The following ADARB2 variants were observed in gnomAD, a reference collection of about 807,000 sequenced individuals.
ADARB2 encodes inactive double-stranded RNA-specific editase B2.
A neutral mutation model predicts 62.2 loss-of-function variants in ADARB2; 25 were observed. That is an observed-to-expected ratio of 0.40 (90% CI 0.29 to 0.56). The LOEUF (loss-of-function observed/expected upper bound fraction) is 0.56, where lower values mean the gene tolerates loss of function less well. Ranked by LOEUF, ADARB2 falls within the 20% of genes least tolerant of loss-of-function variation. The probability of loss-of-function intolerance (pLI) is 0.43; values close to 1 mark genes in which losing one functional copy is unlikely to be tolerated. For missense variants in ADARB2, 1,071 were observed against 1,077.4 expected (o/e 0.99, Z 0.08); for synonymous variants, 572 against 500.8 (o/e 1.14, Z -1.90).
At chr10:1,524,003 C>A (rs1832107641) in intron 1 of ADARB2, among the ~76,000 whole-genome samples, 1 of 151,964 alleles carries the variant, frequency 6.6e-6, no homozygotes, top group Admixed American at 6.6e-5. Context: ...TTTAATTAAG[C>A]ATTTCATTAA....
chr10:1,448,211 C>CAGTATCTATGA (rs1483283387), intron 1 of ADARB2, among the ~76,000 whole-genome samples: 1 of 152,160 alleles, frequency 6.6e-6, no homozygotes, highest in Non-Finnish European at 1.5e-5. Context: ...ACATATAAGA[C>CAGTATCTATGA]AGTATCTATG....
chr10:1,280,703 GTGATATTCCTGAGTGATGCTCTA>G (rs1589176306), intron 3 of ADARB2, among the ~76,000 whole-genome samples: 1 of 150,984 alleles, frequency 6.6e-6, no homozygotes, highest in Non-Finnish European at 1.5e-5. Flanking sequence ...GTGATGCTCT[GTGATATTCCTGAGTGATGCTCTA>G]TGATATTCCT....
intron 1 of ADARB2, among the ~76,000 whole-genome samples, chr10:1,560,778 A>G (rs926458198): frequency 8.5e-5 from 13 of 152,228 alleles, no homozygotes; most frequent in Non-Finnish European, 2.9e-5. Context: ...GTGGACGGTC[A>G]TCTGTCTACA....
rs374100289 is a variant in ADARB2 at position 1,542,248 on chromosome 10, G to A, written c.101-163088C>T. ...ACAGCCGTCCAGACCCCACTCAGAC[G>A]CAGTTCAGACCCTGGATCACAGCCG... is the stretch of plus-strand genomic sequence containing the variant. On this transcript the variant is annotated intron_variant, in intron 1 of 9. Transcript: ENST00000381312. 2.7e-4 allele frequency among the ~76,000 whole-genome samples: 2 copies of A among 7,346 alleles called. 1 individual carries two copies. The highest frequency in any genetic ancestry group is 8.5e-4 in the Non-Finnish European group (2 of 2,346). 4.8% of individuals were successfully genotyped at this position (7,346 alleles called of 152,430 possible).
At chr10:1,187,268 A>T (rs1036370606) in intron 8 of ADARB2, among the ~76,000 whole-genome samples, 1 of 152,224 alleles carries the variant, frequency 6.6e-6, no homozygotes. Context: ...GGAGCCAGCC[A>T]CCAAGGCCAG....
Position 1,363,827 on chromosome 10 carries a change from G to A in ADARB2, c.278C>T (p.Ala93Val), listed in dbSNP as rs368485422. ...PPSGDRARGG[A>V]PGAKRKRPLE... ...CGGCCGCTTCCTCTTCGCGCCGGGC[G>A]CGCCGCCCCGGGCCCGGTCCCCGGA... Residue 93 changes from alanine to valine, a missense_variant, in exon 3 of 10, where the codon GCG becomes GTG. Ala to Val is a moderately conservative substitution (Grantham distance 64). Transcript: ENST00000381312. The A allele has an allele frequency of 2.5e-6, 4 of 1,572,328 alleles. No individual in the cohort carries two copies. Among genetic ancestry groups the A allele is most frequent in the Non-Finnish European group, 3.4e-6 (4 of 1,167,012 alleles).
At chr10:1,346,088 T>C (rs1832077971) in intron 3 of ADARB2, among the ~76,000 whole-genome samples, 1 of 152,244 alleles carries the variant, frequency 6.6e-6, no homozygotes, top group Non-Finnish European at 1.5e-5. Flanking sequence ...AGTGTTTGTA[T>C]AGTAACTGTT....
chr10:1,400,514 A>G (rs12771141), intron 1 of ADARB2, among the ~76,000 whole-genome samples: 43,832 of 152,074 alleles, frequency 0.29, 7,072 homozygotes, highest in Non-Finnish European at 0.36. Context: ...CTGAAAATCA[A>G]TCTGCAGCCC....
At position 1,618,004 on chromosome 10, in the gene ADARB2, C is replaced by G. The variant is rs140331014; in HGVS notation, c.100+119047G>C. Among the ~76,000 whole-genome samples the G allele has an allele frequency of 5.1e-4, 77 of 152,348 alleles. 1 individual carries two copies. The highest frequency in any genetic ancestry group is 3.4e-3 in the Middle Eastern group (1 of 294). ...CCACTTTTTTCCCCTAAGGCTGCAT[C>G]TCCCCGGGAGCTTCATCATGCCCTT... is the stretch of plus-strand genomic sequence containing the variant. On this transcript the variant is annotated intron_variant, in intron 1 of 9. Coordinates refer to ENST00000381312, the MANE Select transcript of ADARB2 (RefSeq NM_018702.4).
At chr10:1,405,892 T>C (rs2820586) in intron 1 of ADARB2, among the ~76,000 whole-genome samples, 141,439 of 150,384 alleles carry the variant, frequency 0.94, 66,679 homozygotes, top group East Asian at 1. Context: ...ATGATGCACC[T>C]GTTTATTAAA....
intron 1 of ADARB2, among the ~76,000 whole-genome samples, chr10:1,427,246 A>G (rs1832900099): frequency 6.6e-6 from 1 of 152,208 alleles, no homozygotes; most frequent in South Asian, 2.1e-4. Context: ...TCAGAATTAA[A>G]AGCTGTTCTG....
At chr10:1,272,604 G>A (rs192262312) in intron 3 of ADARB2, among the ~76,000 whole-genome samples, 2 of 152,306 alleles carry the variant, frequency 1.3e-5, no homozygotes, top group Non-Finnish European at 2.9e-5. Context: ...TTTTCCCACT[G>A]TGTCGTGAAT....
chr10:1,565,838 C>T (rs541572671), intron 1 of ADARB2, among the ~76,000 whole-genome samples: 5 of 152,088 alleles, frequency 3.3e-5, no homozygotes, highest in East Asian at 1.9e-4. Context: ...CTTGGAGGTT[C>T]GGTGTGTTCA....
intron 1 of ADARB2, among the ~76,000 whole-genome samples, chr10:1,467,826 C>T (rs1831271026): frequency 6.6e-6 from 1 of 152,222 alleles, no homozygotes; most frequent in African/African-American, 2.4e-5. Flanking sequence ...ACATTAAGCT[C>T]ACCAGGGGAG....
intron 1 of ADARB2, among the ~76,000 whole-genome samples, chr10:1,478,122 G>T (rs1239339705): frequency 6.6e-6 from 1 of 152,268 alleles, no homozygotes; most frequent in Non-Finnish European, 1.5e-5. Flanking sequence ...AACAGGCAGA[G>T]ACTCCAGTCA....
At chr10:1,359,036 A>ATGTAGGTTTTGTGATTTT (rs1268627830) in intron 3 of ADARB2, among the ~76,000 whole-genome samples, 1 of 152,238 alleles carries the variant, frequency 6.6e-6, no homozygotes, top group East Asian at 1.9e-4. Flanking sequence ...GGTGGGGAGC[A>ATGTAGGTTTTGTGATTTT]AACTGAAGAG....
chr10:1,294,559 G>T (rs1831507556), intron 3 of ADARB2, among the ~76,000 whole-genome samples: 1 of 152,174 alleles, frequency 6.6e-6, no homozygotes, highest in African/African-American at 2.4e-5. Context: ...CAAGCAGAGG[G>T]TTCCAGTGAT....
At chr10:1,687,985 C>A (rs559182708) in intron 1 of ADARB2, among the ~76,000 whole-genome samples, 1 of 152,342 alleles carries the variant, frequency 6.6e-6, no homozygotes, top group Non-Finnish European at 1.5e-5. Context: ...AGGCTCTGAG[C>A]AGATGGCACT....
chr10:1,351,270 G>A (rs1257434673), intron 3 of ADARB2, among the ~76,000 whole-genome samples: 1 of 152,140 alleles, frequency 6.6e-6, no homozygotes, highest in South Asian at 2.1e-4. Flanking sequence ...CGGATGCTGA[G>A]CTTCGGGTAA....
Sources: gnomAD v4.1 joint callset for allele counts (sites outside exome capture counted in the v4.1 genomes callset) on GRCh38, gnomAD v4.1.1 for gene constraint, MANE v1.5 for transcripts, NCBI Gene and HGNC (gene_info 2026-07-23, HGNC 2026-07-21) for gene names.